The following BMAL2 variants were observed in gnomAD, a reference collection of about 807,000 sequenced individuals.
The protein encoded by BMAL2 is basic helix-loop-helix ARNT-like protein 2.
the BMAL2 span, among the ~76,000 whole-genome samples, chr12:27,391,490 C>T: frequency 6.6e-6 from 1 of 152,178 alleles, no homozygotes; most frequent in African/African-American, 2.4e-5. Flanking sequence ...AACAGTGCTG[C>T]AATGAACATA....
the BMAL2 span, among the ~76,000 whole-genome samples, chr12:27,362,846 C>T: frequency 6.6e-6 from 1 of 152,070 alleles, no homozygotes; most frequent in East Asian, 1.9e-4. Context: ...CAGGGTCTCA[C>T]TCTGTCACCC....
chr12:27,333,756 G>A, the BMAL2 span, among the ~76,000 whole-genome samples: 1 of 152,258 alleles, frequency 6.6e-6, no homozygotes, highest in East Asian at 1.9e-4. Flanking sequence ...GAAGCTTCAG[G>A]AAAGCCGTCA....
the BMAL2 span, among the ~76,000 whole-genome samples, chr12:27,411,882 T>C: frequency 1.3e-5 from 2 of 152,242 alleles, no homozygotes; most frequent in Admixed American, 1.3e-4. Context: ...TTTCATTTGT[T>C]GACTGTGTTT....
chr12:27,389,832 A>G, the BMAL2 span: 1 of 300,880 alleles, frequency 3.3e-6, no homozygotes, highest in African/African-American at 2.2e-5. Flanking sequence ...ATTTCATTTC[A>G]CTTAAATTAA....
chr12:27,342,645 G>A, the BMAL2 span, among the ~76,000 whole-genome samples: 2 of 152,176 alleles, frequency 1.3e-5, no homozygotes, highest in Non-Finnish European at 2.9e-5. Flanking sequence ...CCTTGAACAC[G>A]TACCAGCTCC....
At chr12:27,353,630 TAAAC>T in the BMAL2 span, among the ~76,000 whole-genome samples, 9 of 151,978 alleles carry the variant, frequency 5.9e-5, no homozygotes, top group East Asian at 1.2e-3. Context: ...ATCAAAAGAA[TAAAC>T]AGCCTACAGA....
the BMAL2 span, chr12:27,402,757 G>C: frequency 1.5e-6 from 2 of 1,317,876 alleles, no homozygotes; most frequent in Non-Finnish European, 1.0e-6. Context: ...CTGTCCTGGA[G>C]AGGGGAAAAT....
At chr12:27,414,118 C>G in the BMAL2 span, among the ~76,000 whole-genome samples, 1 of 151,894 alleles carries the variant, frequency 6.6e-6, no homozygotes, top group Non-Finnish European at 1.5e-5. Flanking sequence ...ATGAAGGGGT[C>G]AATTCAAGAG....
the BMAL2 span, among the ~76,000 whole-genome samples, chr12:27,333,767 G>C: frequency 6.6e-6 from 1 of 152,264 alleles, no homozygotes; most frequent in East Asian, 1.9e-4. Flanking sequence ...AAAGCCGTCA[G>C]TGGAGTTAGC....
chr12:27,406,805 A>G, the BMAL2 span, among the ~76,000 whole-genome samples: 5 of 152,234 alleles, frequency 3.3e-5, no homozygotes, highest in African/African-American at 9.6e-5. Flanking sequence ...GGCAAATTGT[A>G]TAAAGAGTCA....
the BMAL2 span, among the ~76,000 whole-genome samples, chr12:27,336,711 G>C: frequency 6.6e-6 from 1 of 152,096 alleles, no homozygotes; most frequent in Non-Finnish European, 1.5e-5. Context: ...AGCACTTTGG[G>C]AGGCTATGGC....
At chr12:27,360,814 A>AAAAAAAAAAAAAAAAC in the BMAL2 span, among the ~76,000 whole-genome samples, 1 of 149,092 alleles carries the variant, frequency 6.7e-6, no homozygotes, top group Non-Finnish European at 1.5e-5. Flanking sequence ...AAAAAAAAAA[A>AAAAAAAAAAAAAAAAC]AAAAAAAAAA....
At chr12:27,337,014 T>C in the BMAL2 span, among the ~76,000 whole-genome samples, 3 of 151,376 alleles carry the variant, frequency 2.0e-5, no homozygotes, top group African/African-American at 7.3e-5. Context: ...AGTTCAGTTA[T>C]ACAGTGTTAA....
chr12:27,364,115 A>G, the BMAL2 span, among the ~76,000 whole-genome samples: 1 of 152,132 alleles, frequency 6.6e-6, no homozygotes, highest in Non-Finnish European at 1.5e-5. Flanking sequence ...AAAGGAATGG[A>G]CGGGACAAAC....
the BMAL2 span, among the ~76,000 whole-genome samples, chr12:27,383,494 C>T: frequency 6.6e-6 from 1 of 152,154 alleles, no homozygotes; most frequent in East Asian, 1.9e-4. Context: ...CTCTACCATG[C>T]CTCAGTGCTG....
the BMAL2 span, among the ~76,000 whole-genome samples, chr12:27,418,981 A>G: frequency 6.6e-6 from 1 of 151,906 alleles, no homozygotes; most frequent in Non-Finnish European, 1.5e-5. Context: ...TCCATCTAAA[A>G]AAAAAAAAGG....
At chr12:27,416,103 G>A in the BMAL2 span, among the ~76,000 whole-genome samples, 1 of 152,144 alleles carries the variant, frequency 6.6e-6, no homozygotes, top group Non-Finnish European at 1.5e-5. Context: ...TTGTGGAATA[G>A]TAGTTAAGAA....
At chr12:27,405,182 G>A in the BMAL2 span, among the ~76,000 whole-genome samples, 2 of 152,330 alleles carry the variant, frequency 1.3e-5, no homozygotes, top group African/African-American at 4.8e-5. Context: ...GCAGGGCATA[G>A]CCAAACAAAA....
chr12:27,405,035 G>T, the BMAL2 span, among the ~76,000 whole-genome samples: 5 of 152,212 alleles, frequency 3.3e-5, no homozygotes, highest in Non-Finnish European at 7.3e-5. Context: ...CTGCAAGGCG[G>T]CAGCGAGGCT....
Sources: allele counts gnomAD v4.1 joint callset (sites outside exome capture counted in the v4.1 genomes callset), GRCh38; gene constraint gnomAD v4.1.1; transcripts MANE v1.5; gene names NCBI Gene and HGNC (gene_info 2026-07-23, HGNC 2026-07-21).